The following BMPR1B variants were observed in gnomAD, a reference collection of about 807,000 sequenced individuals.
BMPR1B encodes the protein bone morphogenetic protein receptor type-1B.
In BMPR1B, 12 loss-of-function variants were observed where a neutral mutation model predicts 59.1. The observed-to-expected ratio is 0.20, with a 90% CI of 0.13 to 0.33. The LOEUF (loss-of-function observed/expected upper bound fraction) is 0.33, where lower values mean the gene tolerates loss of function less well. Ranked by LOEUF, BMPR1B falls within the 10% of genes least tolerant of loss-of-function variation. BMPR1B has a pLI of 1.00. For missense variants in BMPR1B, 550 were observed against 610.9 expected (o/e 0.90, Z 1.05); for synonymous variants, 237 against 207.3 (o/e 1.14, Z -1.23).
At chr4:94,794,255 G>T (rs1292819806) in intron 1 of BMPR1B, among the ~76,000 whole-genome samples, 2 of 146,060 alleles carry the variant, frequency 1.4e-5, no homozygotes, top group Non-Finnish European at 3.0e-5. Flanking sequence ...AGTTTTCCCA[G>T]CACCATTTAT....
At chr4:94,966,731 T>C (rs550784346) in intron 2 of BMPR1B, among the ~76,000 whole-genome samples, 23 of 152,332 alleles carry the variant, frequency 1.5e-4, no homozygotes, top group Admixed American at 1.2e-3. Context: ...GACTTAACTT[T>C]CATGCCTGAA....
Position 94,904,286 on chromosome 4 carries a change from A to G in BMPR1B, c.-113+28386A>G, listed in dbSNP as rs533329692. On this transcript the variant is annotated intron_variant, in intron 2 of 12. Coordinates refer to ENST00000515059, the MANE Select transcript of BMPR1B (RefSeq NM_001203.3). ...GTCATATGACTTACAGATGCACTAT[A>G]ATAATAATAATTAATGCCTATAATA... Among the ~76,000 whole-genome samples, 5 of 152,080 alleles carry G rather than the reference A, an allele frequency of 3.3e-5. No individual in the cohort carries two copies. The South Asian group carries it at 1.0e-3, about 32-fold the overall frequency.
In BMPR1B at chr4:95,152,610, A is replaced by G. The variant is rs770712752; in HGVS notation, c.1253-33A>G. The G allele has an allele frequency of 2.5e-5, 36 of 1,465,302 alleles. No homozygotes were observed. In the South Asian group the frequency reaches 4.6e-4, roughly 19 times the overall value. The allele number at this position is 1,465,302 out of a possible 1,614,324, so 90.8% of individuals were successfully genotyped here. A position where few individuals can be genotyped will look rare whatever the true frequency, so the allele number is the denominator to read the frequency against. On this transcript the variant is annotated intron_variant, in intron 11 of 12. Transcript: ENST00000515059. ...TATTTCTACTTCACAGAAAATAATA[A>G]TAATAATAATAATAGTAACAACATA... is the stretch of plus-strand genomic sequence containing the variant.
intron 1 of BMPR1B, among the ~76,000 whole-genome samples, chr4:94,795,096 C>T (rs1175211733): frequency 5.7e-5 from 8 of 140,980 alleles, no homozygotes; most frequent in Middle Eastern, 3.5e-3. Flanking sequence ...CTGTCTTGTG[C>T]CAGTTTTCAA....
intron 4 of BMPR1B, among the ~76,000 whole-genome samples, chr4:95,111,963 G>C (rs1287271803): frequency 6.6e-6 from 1 of 152,008 alleles, no homozygotes; most frequent in Admixed American, 6.6e-5. Context: ...ATTCTCAAGT[G>C]CTTTGCTTTT....
At chr4:94,973,020 T>C (rs748170766) in intron 2 of BMPR1B, among the ~76,000 whole-genome samples, 1 of 152,078 alleles carries the variant, frequency 6.6e-6, no homozygotes, top group Non-Finnish European at 1.5e-5. Flanking sequence ...CTCAGCCCCT[T>C]GTGGGAGGGA....
intron 2 of BMPR1B, among the ~76,000 whole-genome samples, chr4:94,993,233 C>T (rs1179714715): frequency 1.3e-5 from 2 of 152,018 alleles, no homozygotes; most frequent in Admixed American, 6.6e-5. Flanking sequence ...TTTCCCTTGG[C>T]AGTTGAATGG....
chr4:94,922,380 C>T (rs1728724377), intron 2 of BMPR1B, among the ~76,000 whole-genome samples: 1 of 152,064 alleles, frequency 6.6e-6, no homozygotes, highest in African/African-American at 2.4e-5. Context: ...CATTCTCATT[C>T]TATTGTGCTG....
chr4:94,820,262 A>G (rs373025740), intron 1 of BMPR1B, among the ~76,000 whole-genome samples: 6 of 152,228 alleles, frequency 3.9e-5, no homozygotes, highest in African/African-American at 1.4e-4. Context: ...GCCAAAGTTC[A>G]TGGTGTATCT....
intron 6 of BMPR1B, among the ~76,000 whole-genome samples, chr4:95,120,763 C>CTT (rs1208208752): frequency 6.7e-6 from 1 of 149,826 alleles, no homozygotes. Context: ...CTCTCTCTCT[C>CTT]CCTCCCTTCC....
At chr4:94,933,962 A>C (rs1341522892) in intron 2 of BMPR1B, among the ~76,000 whole-genome samples, 2 of 152,156 alleles carry the variant, frequency 1.3e-5, no homozygotes, top group Non-Finnish European at 2.9e-5. Flanking sequence ...ACAGTCAACA[A>C]ACTTGGCTCT....
intron 1 of BMPR1B, among the ~76,000 whole-genome samples, chr4:94,780,616 T>C (rs116592919): frequency 0.011 from 1,709 of 151,992 alleles, 35 homozygotes; most frequent in African/African-American, 0.039. Context: ...AAAGTGCCTA[T>C]AGCAGTATAC....
At chr4:94,952,857 G>A (rs1730000483) in intron 2 of BMPR1B, among the ~76,000 whole-genome samples, 1 of 152,088 alleles carries the variant, frequency 6.6e-6, no homozygotes, top group Non-Finnish European at 1.5e-5. Flanking sequence ...TTGACAGTGT[G>A]GTGTTAAACT....
At chr4:95,146,687 C>G (rs1012499024) in intron 10 of BMPR1B, among the ~76,000 whole-genome samples, 1 of 152,176 alleles carries the variant, frequency 6.6e-6, no homozygotes, top group Non-Finnish European at 1.5e-5. Flanking sequence ...GGACCCAGGA[C>G]TTCTTACCTG....
At chr4:95,116,501 TTATC>T (rs1369455022) in intron 6 of BMPR1B, among the ~76,000 whole-genome samples, 1 of 151,214 alleles carries the variant, frequency 6.6e-6, no homozygotes, top group African/African-American at 2.4e-5. Context: ...GTCCTAAATC[TTATC>T]TAAGTGATTT....
intron 3 of BMPR1B, among the ~76,000 whole-genome samples, chr4:95,085,329 G>A (rs148407133): frequency 1.4e-3 from 206 of 152,222 alleles, no homozygotes; most frequent in Admixed American, 3.7e-3. Flanking sequence ...AAGACAGTTC[G>A]CAAACAGGAG....
chr4:94,887,927 A>G (rs545087951), intron 2 of BMPR1B, among the ~76,000 whole-genome samples: 82 of 152,218 alleles, frequency 5.4e-4, no homozygotes, highest in African/African-American at 1.9e-3. Context: ...ACCCCAAACA[A>G]TAAACTTGGA....
At chr4:95,048,642 C>T (rs556002320) in intron 3 of BMPR1B, among the ~76,000 whole-genome samples, 76 of 151,984 alleles carry the variant, frequency 5.0e-4, no homozygotes, top group African/African-American at 1.7e-3. Context: ...CTTTTTAATG[C>T]GATTATTTGT....
chr4:94,850,909 A>C (rs1484843925), intron 1 of BMPR1B, among the ~76,000 whole-genome samples: 1 of 152,232 alleles, frequency 6.6e-6, no homozygotes, highest in Non-Finnish European at 1.5e-5. Flanking sequence ...CCATGAGGGC[A>C]ATAAATAGAC....
Sources: gnomAD v4.1 joint callset for allele counts (sites outside exome capture counted in the v4.1 genomes callset) on GRCh38, gnomAD v4.1.1 for gene constraint, MANE v1.5 for transcripts, NCBI Gene and HGNC (gene_info 2026-07-23, HGNC 2026-07-21) for gene names.